The following HPGD variants were observed in gnomAD, a reference collection of about 807,000 sequenced individuals.
HPGD encodes 15-hydroxyprostaglandin dehydrogenase.
Under a neutral mutation model 30.0 loss-of-function variants are expected in HPGD, and 29 were observed. The observed-to-expected ratio is 0.97, with a 90% CI of 0.72 to 1.32. The LOEUF (loss-of-function observed/expected upper bound fraction) is 1.32. HPGD is among the 40% of genes most tolerant of loss of function. HPGD has a pLI of 0.00. For missense variants in HPGD, 340 were observed against 322.1 expected, an observed-to-expected ratio of 1.06 and a Z score of -0.43; for synonymous variants, 99 against 112.4, an observed-to-expected ratio of 0.88 and a Z score of 0.75.
chr4:174,522,273 C>CT lies in HPGD; in HGVS notation c.93+85dup, dbSNP rs11433148. The CT allele has an allele frequency of 0.35, 490,144 of 1,414,216 alleles. 88,100 individuals carry two copies. The highest frequency in any genetic ancestry group is 0.41 in the East Asian group (16,407 of 40,510). The allele number at this position is 1,414,216 out of a possible 1,614,324, so 87.6% of individuals were successfully genotyped here. A position where few individuals can be genotyped will look rare whatever the true frequency, so the allele number is the denominator to read the frequency against. On this transcript the variant is annotated intron_variant, in intron 1 of 6. Coordinates refer to ENST00000296522, the MANE Select transcript of HPGD (RefSeq NM_000860.6). The stretch of plus-strand genomic sequence containing the variant: ...AGTGGGCACGCCGGGCGCGGCCTCC[C>CT]TGTCTCCGCCAGTGCACCTCGGGCG...
At chr4:174,519,655 TG>T (rs1735979444) in intron 2 of HPGD, among the ~76,000 whole-genome samples, 1 of 152,204 alleles carries the variant, frequency 6.6e-6, no homozygotes, top group South Asian at 2.1e-4. Context: ...TGGCTCATCC[TG>T]GCTCAAAAAG....
chr4:174,490,472 A>G lies in HPGD; in HGVS notation c.*1484T>C, dbSNP rs1268067701. The G allele has an allele frequency of 6.6e-6, 1 of 152,372 alleles. No individual in the cohort carries two copies. Among genetic ancestry groups the G allele is most frequent in the Non-Finnish European group, 1.5e-5 (1 of 68,044 alleles). The allele number at this position is 152,372 out of a possible 1,614,324, so 9.4% of individuals were successfully genotyped here. Reference sequence around the variant, plus strand: ...ACACGACAGAGGAAAAATACAGAAGATAAGTGATACTGGGCAAACCGACAT... The same window carrying G: ...ACACGACAGAGGAAAAATACAGAAGGTAAGTGATACTGGGCAAACCGACAT... On this transcript the variant is annotated 3_prime_UTR_variant, in exon 7 of 7. Transcript: ENST00000296522. This position sits in a 1 kb window ranked among gnomAD's most constrained non-coding sequence, Gnocchi z 4.4.
Position 174,492,324 on chromosome 4 carries a change from A to G in HPGD, c.663-230T>C, listed in dbSNP as rs1394394731. Reference sequence around the variant, plus strand: ...TTTCTTTCAATTGGATATTAACTAAATTATTTGATAAATTTAGCTGTAACC... The same window carrying G: ...TTTCTTTCAATTGGATATTAACTAAGTTATTTGATAAATTTAGCTGTAACC... On this transcript the variant is annotated intron_variant, in intron 6 of 6. Coordinates refer to ENST00000296522, the MANE Select transcript of HPGD (RefSeq NM_000860.6). This position sits in a 1 kb window ranked among gnomAD's most constrained non-coding sequence, Gnocchi z 4.9. Among the ~76,000 whole-genome samples the G allele has an allele frequency of 6.6e-6, 1 of 151,908 alleles. No individual in the cohort carries two copies. Among genetic ancestry groups the G allele is most frequent in the African/African-American group, 2.4e-5 (1 of 41,426 alleles).
chr4:174,503,710 G>T (rs1052348824), intron 4 of HPGD, among the ~76,000 whole-genome samples: 1 of 147,670 alleles, frequency 6.8e-6, no homozygotes. Flanking sequence ...CATGCTTCTG[G>T]GTTTTTTGAT....
chr4:174,491,086 T>TA lies in HPGD; in HGVS notation c.*869dup, dbSNP rs1464516705. On this transcript the variant is annotated 3_prime_UTR_variant, in exon 7 of 7. Transcript: ENST00000296522. The stretch of plus-strand genomic sequence containing the variant: ...ACTAAGTAATTTATGGAGATCAGAA[T>TA]AAAAAAGTTTTATTGAAGGGTAGGC... The TA allele has an allele frequency of 7.2e-5, 11 of 152,754 alleles. No homozygotes were observed. In the East Asian group the frequency reaches 1.9e-3, roughly 26 times the overall value. The allele number at this position is 152,754 out of a possible 1,614,324, so 9.5% of individuals were successfully genotyped here.
At chr4:174,498,732 T>C (rs1579276859) in intron 4 of HPGD, among the ~76,000 whole-genome samples, 1 of 152,126 alleles carries the variant, frequency 6.6e-6, no homozygotes, top group African/African-American at 2.4e-5. Context: ...TTTCTTTTTT[T>C]CCCTAATATA....
chr4:174,514,516 A>G (rs962450572), intron 3 of HPGD, among the ~76,000 whole-genome samples: 1 of 152,114 alleles, frequency 6.6e-6, no homozygotes, highest in African/African-American at 2.4e-5. Flanking sequence ...ATGTTAAAAA[A>G]TCCTCAACAA....
At chr4:174,514,149 T>C (rs987876919) in intron 3 of HPGD, among the ~76,000 whole-genome samples, 3 of 152,132 alleles carry the variant, frequency 2.0e-5, no homozygotes, top group Non-Finnish European at 2.9e-5. Flanking sequence ...TTCAATGGTA[T>C]ATTAAACATT....
At chr4:174,503,338 A>G (rs1735016596) in intron 4 of HPGD, among the ~76,000 whole-genome samples, 3 of 152,314 alleles carry the variant, frequency 2.0e-5, no homozygotes, top group Admixed American at 6.5e-5. Flanking sequence ...ATGGAGCAAA[A>G]TAAAATTGCT....
chr4:174,509,435 A>G (rs770201453), intron 3 of HPGD, among the ~76,000 whole-genome samples: 5 of 152,206 alleles, frequency 3.3e-5, no homozygotes, highest in Non-Finnish European at 5.9e-5. Context: ...CTGGTTTCAG[A>G]GCCAGCAGGT....
Position 174,491,097 on chromosome 4 carries a change from T to C in HPGD, c.*859A>G, listed in dbSNP as rs542923088. ...TATGGAGATCAGAATAAAAAAGTTT[T>C]ATTGAAGGGTAGGCACTTTTGAAAT... On this transcript the variant is annotated 3_prime_UTR_variant, in exon 7 of 7. Coordinates refer to ENST00000296522, the MANE Select transcript of HPGD (RefSeq NM_000860.6). The C allele has an allele frequency of 4.6e-5, 7 of 152,814 alleles. No individual in the cohort carries two copies. The South Asian group carries it at 1.0e-3, about 23-fold the overall frequency. The allele number at this position is 152,814 out of a possible 1,614,324, so 9.5% of individuals were successfully genotyped here.
chr4:174,499,133 T>C (rs1734784379), intron 4 of HPGD, among the ~76,000 whole-genome samples: 1 of 152,152 alleles, frequency 6.6e-6, no homozygotes, highest in Admixed American at 6.5e-5. Context: ...CTGGGGCTGG[T>C]AATAAGGGTC....
At chr4:174,515,594 AGCAATT>A (rs1735729376) in intron 3 of HPGD, among the ~76,000 whole-genome samples, 1 of 132,364 alleles carries the variant, frequency 7.6e-6, no homozygotes, top group African/African-American at 3.0e-5. Flanking sequence ...AGTCTCCAAA[AGCAATT>A]GCAACAAAAC....
chr4:174,522,539 G>T, upstream of HPGD: 1 of 976,104 alleles, frequency 1.0e-6, no homozygotes. Context: ...GCGCGCGCGT[G>T]CAGCCCGGCG....
upstream of HPGD, chr4:174,522,497 C>T: frequency 1.4e-6 from 2 of 1,450,684 alleles, no homozygotes; most frequent in Non-Finnish European, 1.8e-6. Context: ...TCCGCGTCTC[C>T]GCGCGGCCGC....
In HPGD at chr4:174,517,889, A is replaced by G. The variant is rs532873940; in HGVS notation, c.324+82T>C. The G allele has an allele frequency of 1.6e-4, 118 of 748,606 alleles. 1 individual carries two copies. The African/African-American group carries it at 2.0e-3, about 13-fold the overall frequency. The allele number at this position is 748,606 out of a possible 1,614,324, so 46.4% of individuals were successfully genotyped here. A position where few individuals can be genotyped will look rare whatever the true frequency, so the allele number is the denominator to read the frequency against. ...TATTGTAGGTCATTGTTTTGTTTCC[A>G]TGACTCCAAGAACCTTTTTTTCTTT... is the stretch of plus-strand genomic sequence containing the variant. On this transcript the variant is annotated intron_variant, in intron 3 of 6. Coordinates refer to ENST00000296522, the MANE Select transcript of HPGD (RefSeq NM_000860.6).
At chr4:174,493,124 A>G (rs766448303) in intron 6 of HPGD, 27 bp downstream of exon 6, 2 of 1,519,798 alleles carry the variant, frequency 1.3e-6, no homozygotes, top group Non-Finnish European at 1.8e-6. Flanking sequence ...TCATCATTTA[A>G]AAGAAAATAG....
rs1734359424 is a variant in HPGD, at chr4:174,491,959, T to C, written c.798A>G (p.Gln266=). The C allele has an allele frequency of 8.7e-6, 14 of 1,611,464 alleles. No homozygotes were observed. The highest frequency in any genetic ancestry group is 1.7e-4 in the Middle Eastern group (1 of 6,034). The change falls in exon 7 of 7, where the codon CAA becomes CAG. Residue 266 remains glutamine (Q), a synonymous_variant. Coordinates refer to ENST00000296522, the MANE Select transcript of HPGD (RefSeq NM_000860.6). Reference sequence around the variant, plus strand: ...CTATGGCTAACACATAAGCTGTTCATTGGGTTTTTGCTTGAAATGGAGTTG... The same window carrying C: ...CTATGGCTAACACATAAGCTGTTCACTGGGTTTTTGCTTGAAATGGAGTTG... ...YDTTPFQAKT[Q]
At chr4:174,497,064 T>A (rs748244799) in intron 4 of HPGD, among the ~76,000 whole-genome samples, 1 of 152,198 alleles carries the variant, frequency 6.6e-6, no homozygotes, top group Non-Finnish European at 1.5e-5. Flanking sequence ...AATAAAAAAG[T>A]ATAACCAGGA....
Sources: allele counts gnomAD v4.1 joint callset (sites outside exome capture counted in the v4.1 genomes callset), GRCh38; gene constraint gnomAD v4.1.1; non-coding constraint Gnocchi (gnomAD v3.1); transcripts MANE v1.5; gene names NCBI Gene and HGNC (gene_info 2026-07-23, HGNC 2026-07-21).